Variants in TEAD1 observed in about 807,000 individuals in gnomAD.
TEAD1 encodes the protein TEA domain transcription factor 1.
In TEAD1, 9 loss-of-function variants were observed where a neutral mutation model predicts 54.9. The observed-to-expected ratio is 0.16, with a 90% CI of 0.10 to 0.29. TEAD1 has a LOEUF of 0.29. Ranked by LOEUF, TEAD1 falls within the 10% of genes least tolerant of loss-of-function variation. The probability of loss-of-function intolerance (pLI) is 1.00; values close to 1 mark genes in which losing one functional copy is unlikely to be tolerated. For missense variants in TEAD1, 387 were observed against 535.9 expected (o/e 0.72, Z 2.74); for synonymous variants, 200 against 187.8 (o/e 1.07, Z -0.53).
chr11:12,829,140 G>A (rs1176249525), intron 3 of TEAD1, among the ~76,000 whole-genome samples: 3 of 152,244 alleles, frequency 2.0e-5, no homozygotes, highest in South Asian at 2.1e-4. Flanking sequence ...TCCCCAAGAC[G>A]GAAGTGCAGC....
intron 3 of TEAD1, among the ~76,000 whole-genome samples, chr11:12,822,251 C>T (rs1010719352): frequency 3.9e-5 from 6 of 152,144 alleles, no homozygotes; most frequent in Admixed American, 6.5e-5. Flanking sequence ...CGTGAGCCAC[C>T]GGCAGTTGTG....
At chr11:12,872,569 T>C (rs767587961) in intron 5 of TEAD1, among the ~76,000 whole-genome samples, 4 of 152,204 alleles carry the variant, frequency 2.6e-5, no homozygotes, top group South Asian at 2.1e-4. Context: ...AACAGTGTGG[T>C]GATGGAGAAA....
In TEAD1 at chr11:12,674,444, TCGCGCCGCGC is replaced by T. The variant is rs1002920389; in HGVS notation, c.-589_-580del. Reference sequence around the variant, plus strand: ...TCATTCCGAACATTCTTAGCATCGCTCGCGCCGCGCCGCGCCGCCTGAGCCGAGCCGAGCC... The same window carrying T: ...TCATTCCGAACATTCTTAGCATCGCTCGCGCCGCCTGAGCCGAGCCGAGCC... On this transcript the variant is annotated 5_prime_UTR_variant, in exon 1 of 13. Coordinates refer to ENST00000527636, the MANE Select transcript of TEAD1 (RefSeq NM_021961.6). The T allele has an allele frequency of 6.6e-6, 1 of 150,438 alleles. No homozygotes were observed. The highest frequency in any genetic ancestry group is 1.9e-4 in the South Asian group (1 of 5,158). 9.3% of individuals were successfully genotyped at this position (150,438 alleles called of 1,614,324 possible). A position where few individuals can be genotyped will look rare whatever the true frequency, so the allele number is the denominator to read the frequency against.
intron 12 of TEAD1, among the ~76,000 whole-genome samples, chr11:12,934,572 TAA>T (rs544252673): frequency 3.5e-5 from 5 of 141,884 alleles, no homozygotes; most frequent in African/African-American, 1.0e-4. Context: ...AAGCTAAACT[TAA>T]AAAAAAAAAA....
At chr11:12,863,686 A>G (rs1947554244) in intron 4 of TEAD1, among the ~76,000 whole-genome samples, 1 of 152,242 alleles carries the variant, frequency 6.6e-6, no homozygotes, top group Admixed American at 6.5e-5. Context: ...AATCATCTAC[A>G]TTCTGACAGT....
rs560514805 is a variant in TEAD1 at position 12,825,814 on chromosome 11, T to A, written c.203-36436T>A. ...TTACTGGTGTAAGGATAGACAGTGG[T>A]GTAAGCATAGATAATGGTACAGAAT... is the stretch of plus-strand genomic sequence containing the variant. On this transcript the variant is annotated intron_variant, in intron 3 of 12. Coordinates refer to ENST00000527636, the MANE Select transcript of TEAD1 (RefSeq NM_021961.6). Among the ~76,000 whole-genome samples the A allele has an allele frequency of 1.1e-4, 16 of 152,308 alleles. 1 individual carries two copies. In the East Asian group the frequency reaches 3.1e-3, roughly 29 times the overall value.
chr11:12,754,466 G>A (rs1944944682), intron 2 of TEAD1, among the ~76,000 whole-genome samples: 1 of 152,192 alleles, frequency 6.6e-6, no homozygotes, highest in South Asian at 2.1e-4. Flanking sequence ...CCACACAAGA[G>A]AAAGTGACAG....
intron 6 of TEAD1, among the ~76,000 whole-genome samples, chr11:12,880,802 C>A (rs181431371): frequency 6.6e-6 from 1 of 152,118 alleles, no homozygotes; most frequent in Non-Finnish European, 1.5e-5. Context: ...AGGAAGGAGG[C>A]GCTAAGGGGA....
intron 2 of TEAD1, among the ~76,000 whole-genome samples, chr11:12,712,197 A>G (rs772775114): frequency 6.6e-6 from 1 of 152,124 alleles, no homozygotes; most frequent in Non-Finnish European, 1.5e-5. Context: ...CTGCCCGTCC[A>G]TCCATCCATC....
intron 5 of TEAD1, among the ~76,000 whole-genome samples, chr11:12,871,582 C>T (rs1161267088): frequency 6.6e-6 from 1 of 152,114 alleles, no homozygotes; most frequent in Non-Finnish European, 1.5e-5. Flanking sequence ...GTTGTTCAGA[C>T]CCTGCTCAGA....
intron 5 of TEAD1, chr11:12,865,538 A>G (rs1406596544): frequency 6.6e-6 from 1 of 152,264 alleles, no homozygotes; most frequent in East Asian, 1.9e-4. Context: ...TTAAAAAAAA[A>G]AGATAGATCT....
At chr11:12,887,565 T>C (rs1948116108) in intron 9 of TEAD1, among the ~76,000 whole-genome samples, 1 of 152,212 alleles carries the variant, frequency 6.6e-6, no homozygotes, top group Non-Finnish European at 1.5e-5. Context: ...TCAAGTTATA[T>C]ACTGTGTGCT....
At chr11:12,850,161 T>G (rs1477800952) in intron 3 of TEAD1, among the ~76,000 whole-genome samples, 1 of 152,150 alleles carries the variant, frequency 6.6e-6, no homozygotes, top group Non-Finnish European at 1.5e-5. Context: ...CTGGGCCAGG[T>G]GTGGTGACAC....
chr11:12,837,805 C>CTTCCTTCTTTCTTCCTTCTTCT, intron 3 of TEAD1, among the ~76,000 whole-genome samples: 1 of 75,854 alleles, frequency 1.3e-5, no homozygotes, highest in African/African-American at 4.2e-5. Context: ...CTTCCTTCTT[C>CTTCCTTCTTTCTTCCTTCTTCT]TTTTTTTTTT....
At chr11:12,934,620 G>T (rs1004904798) in intron 12 of TEAD1, among the ~76,000 whole-genome samples, 1 of 151,370 alleles carries the variant, frequency 6.6e-6, no homozygotes, top group Non-Finnish European at 1.5e-5. Context: ...GTATCTTATG[G>T]TCATGAAATC....
chr11:12,740,653 G>A (rs1944632012), intron 2 of TEAD1, among the ~76,000 whole-genome samples: 1 of 152,112 alleles, frequency 6.6e-6, no homozygotes, highest in Non-Finnish European at 1.5e-5. Context: ...AAAGGGGGAA[G>A]CCCCTTATAA....
At chr11:12,769,921 G>A (rs754508590) in intron 3 of TEAD1, among the ~76,000 whole-genome samples, 3 of 152,170 alleles carry the variant, frequency 2.0e-5, no homozygotes, top group Non-Finnish European at 2.9e-5. Context: ...AACAGAGAAC[G>A]TAGGTGATTA....
chr11:12,720,252 T>C (rs1944164376), intron 2 of TEAD1, among the ~76,000 whole-genome samples: 1 of 152,138 alleles, frequency 6.6e-6, no homozygotes, highest in South Asian at 2.1e-4. Flanking sequence ...GAATAGGCAC[T>C]TACTCTGACT....
At chr11:12,911,874 T>C (rs1589982669) in intron 10 of TEAD1, among the ~76,000 whole-genome samples, 1 of 152,294 alleles carries the variant, frequency 6.6e-6, no homozygotes, top group South Asian at 2.1e-4. Flanking sequence ...GATGCCAAAC[T>C]TCTTTGTAGG....
Sources: allele counts gnomAD v4.1 joint callset (sites outside exome capture counted in the v4.1 genomes callset), GRCh38; gene constraint gnomAD v4.1.1; transcripts MANE v1.5; gene names NCBI Gene and HGNC (gene_info 2026-07-23, HGNC 2026-07-21).